Variants in SLC26A7 observed in about 807,000 individuals in gnomAD.
SLC26A7 encodes the protein solute carrier family 26 member 7, also known as anion exchange transporter.
A neutral mutation model predicts 82.5 loss-of-function variants in SLC26A7; 59 were observed. The ratio of observed to expected loss-of-function variants is 0.72; its 90% confidence interval spans 0.58 to 0.89. SLC26A7 has a LOEUF of 0.89. SLC26A7 is among the 40% of genes least tolerant of loss of function. The pLI, the probability that SLC26A7 is intolerant of heterozygous loss-of-function variation, is 0.00. For synonymous variants in SLC26A7, 271 were observed against 274.3 expected (o/e 0.99, Z 0.12); for missense variants, 820 against 793.0 (o/e 1.03, Z -0.41).
At chr8:91,347,231 T>C (rs1302778462) in intron 9 of SLC26A7, among the ~76,000 whole-genome samples, 1 of 152,176 alleles carries the variant, frequency 6.6e-6, no homozygotes, top group Non-Finnish European at 1.5e-5. Context: ...ACAGTTCTTT[T>C]TAATTACTGC....
intron 2 of SLC26A7, among the ~76,000 whole-genome samples, chr8:91,261,216 A>G (rs1265638807): frequency 3.3e-5 from 5 of 152,232 alleles, no homozygotes; most frequent in East Asian, 1.9e-4. Flanking sequence ...CTATTCAAAA[A>G]ATATTTGAAA....
intron 11 of SLC26A7, chr8:91,357,145 G>A (rs1327413532): frequency 6.6e-6 from 1 of 151,950 alleles, no homozygotes; most frequent in Non-Finnish European, 1.5e-5. Context: ...TTTTTCTCTG[G>A]TAGCCCATGT....
intron 5 of SLC26A7, among the ~76,000 whole-genome samples, chr8:91,329,955 T>C (rs1344687465): frequency 1.3e-5 from 2 of 152,132 alleles, no homozygotes; most frequent in African/African-American, 2.4e-5. Flanking sequence ...TGAACAGTTA[T>C]CATCCACAAC....
At chr8:91,220,156 CAG>C (rs1353420999) in intron 2 of SLC26A7, among the ~76,000 whole-genome samples, 1 of 152,080 alleles carries the variant, frequency 6.6e-6, no homozygotes. Context: ...CCCACTGAGA[CAG>C]AGATGGGGCC....
chr8:91,353,049 C>A, intron 11 of SLC26A7, 53 bp downstream of exon 11: 1 of 1,207,272 alleles, frequency 8.3e-7, no homozygotes, highest in South Asian at 1.3e-5. Flanking sequence ...GCTTATGTTA[C>A]CAAATATGCA....
At chr8:91,280,855 G>A (rs916175238) in intron 2 of SLC26A7, among the ~76,000 whole-genome samples, 1 of 152,168 alleles carries the variant, frequency 6.6e-6, no homozygotes, top group African/African-American at 2.4e-5. Flanking sequence ...AAACTGATTA[G>A]TTTTTAAAAT....
chr8:91,267,708 C>A (rs919844169), intron 2 of SLC26A7, among the ~76,000 whole-genome samples: 1 of 151,602 alleles, frequency 6.6e-6, no homozygotes, highest in Non-Finnish European at 1.5e-5. Context: ...AAATACCCAA[C>A]CCTTTTTTTC....
intron 15 of SLC26A7, among the ~76,000 whole-genome samples, chr8:91,375,718 T>C (rs1400949021): frequency 6.6e-6 from 1 of 151,810 alleles, no homozygotes; most frequent in Non-Finnish European, 1.5e-5. Context: ...GCTTCAGTGA[T>C]GTCTTCTTCT....
chr8:91,219,293 C>G (rs1328540945), intron 2 of SLC26A7: 4 of 226,480 alleles, frequency 1.8e-5, no homozygotes, highest in Non-Finnish European at 3.4e-5. Context: ...CTACCACTCC[C>G]CTTTTTCTAG....
chr8:91,325,423 C>T (rs1812904638), intron 5 of SLC26A7, among the ~76,000 whole-genome samples: 1 of 152,112 alleles, frequency 6.6e-6, no homozygotes, highest in South Asian at 2.1e-4. Flanking sequence ...CCTCTCCCTT[C>T]AGGAACGGAG....
intron 15 of SLC26A7, among the ~76,000 whole-genome samples, chr8:91,375,650 C>A (rs185360532): frequency 7.0e-4 from 104 of 148,654 alleles, no homozygotes; most frequent in Middle Eastern, 3.5e-3. Flanking sequence ...TCTCTAGCTG[C>A]CTTTAAGTTG....
chr8:91,301,856 C>T (rs1367039496), intron 4 of SLC26A7, among the ~76,000 whole-genome samples: 1 of 151,444 alleles, frequency 6.6e-6, no homozygotes, highest in African/African-American at 2.4e-5. Context: ...TTTTCCTATG[C>T]TAATTGTTTG....
chr8:91,359,008 A>G (rs991061962), intron 11 of SLC26A7, among the ~76,000 whole-genome samples: 1 of 152,210 alleles, frequency 6.6e-6, no homozygotes, highest in African/African-American at 2.4e-5. Flanking sequence ...GCAGCACACC[A>G]ACATGGCACA....
chr8:91,220,697 G>A (rs1810146702), intron 2 of SLC26A7, among the ~76,000 whole-genome samples: 1 of 152,084 alleles, frequency 6.6e-6, no homozygotes, highest in Admixed American at 6.6e-5. Flanking sequence ...ATTTTTTATG[G>A]CTGCATAGTA....
At chr8:91,351,301 C>T (rs1813708131) in intron 9 of SLC26A7, among the ~76,000 whole-genome samples, 1 of 152,090 alleles carries the variant, frequency 6.6e-6, no homozygotes, top group Non-Finnish European at 1.5e-5. Context: ...TCCCATATCC[C>T]ATATAACTAC....
chr8:91,258,276 A>T (rs1810863030), intron 2 of SLC26A7, among the ~76,000 whole-genome samples: 1 of 152,092 alleles, frequency 6.6e-6, no homozygotes. Flanking sequence ...TCTAGAGATA[A>T]ATCGCCAGCT....
intron 2 of SLC26A7, among the ~76,000 whole-genome samples, chr8:91,236,508 A>T (rs1810394875): frequency 6.6e-6 from 1 of 152,204 alleles, no homozygotes; most frequent in Non-Finnish European, 1.5e-5. Flanking sequence ...GTAATAGGTT[A>T]CAGAAAATAT....
chr8:91,387,449 C>G (rs1412831678), intron 15 of SLC26A7, among the ~76,000 whole-genome samples: 1 of 152,176 alleles, frequency 6.6e-6, no homozygotes, highest in South Asian at 2.1e-4. Flanking sequence ...ACTTAGCCCC[C>G]CTTGCCCTGG....
chr8:91,301,515 A>T (rs1307111613), intron 4 of SLC26A7, among the ~76,000 whole-genome samples: 1 of 151,918 alleles, frequency 6.6e-6, no homozygotes, highest in African/African-American at 2.4e-5. Flanking sequence ...AGGTCTTTAA[A>T]GTAGTCTGTT....
Sources: allele counts gnomAD v4.1 joint callset (sites outside exome capture counted in the v4.1 genomes callset), GRCh38; gene constraint gnomAD v4.1.1; transcripts MANE v1.5; gene names NCBI Gene and HGNC (gene_info 2026-07-23, HGNC 2026-07-21).